Variants in USH2A observed in about 807,000 individuals in gnomAD.
USH2A encodes the protein Usher syndrome 2A (autosomal recessive, mild).
Under a neutral mutation model 538.9 loss-of-function variants are expected in USH2A, and 443 were observed. The observed-to-expected ratio is 0.82, with a 90% CI of 0.76 to 0.89. The LOEUF (loss-of-function observed/expected upper bound fraction) is 0.89. Ranked by LOEUF, USH2A falls within the 40% of genes least tolerant of loss-of-function variation. The pLI is 0.00. For missense variants in USH2A, 6,633 were observed against 6,324.8 expected (o/e 1.05, Z -1.65); for synonymous variants, 2,413 against 2,273.5 (o/e 1.06, Z -1.75).
At chr1:216,134,851 G>T (rs947442073) in intron 21 of USH2A, among the ~76,000 whole-genome samples, 5 of 152,100 alleles carry the variant, frequency 3.3e-5, no homozygotes, top group African/African-American at 1.2e-4. Flanking sequence ...GTCAAGAATC[G>T]ATGGCAAGTA....
intron 60 of USH2A, among the ~76,000 whole-genome samples, chr1:215,732,382 C>T (rs6666832): frequency 0.63 from 95,138 of 151,814 alleles, 32,626 homozygotes; most frequent in Non-Finnish European, 0.78. Flanking sequence ...AAAGGACTCA[C>T]CTTTCTGAAA....
chr1:215,997,690 AG>A (rs775936357), intron 34 of USH2A, among the ~76,000 whole-genome samples: 41 of 152,222 alleles, frequency 2.7e-4, no homozygotes, highest in Admixed American at 9.2e-4. Flanking sequence ...AACAACCAAG[AG>A]CACAATTTTT....
At chr1:216,200,144 A>AC (rs1403891228) in intron 16 of USH2A, 23 bp from the exon 17 acceptor site, 1 of 1,602,118 alleles carries the variant, frequency 6.2e-7, no homozygotes, top group African/African-American at 1.3e-5. Flanking sequence ...GAAAAAAAAA[A>AC]AACAAAGTTA....
intron 50 of USH2A, among the ~76,000 whole-genome samples, chr1:215,794,629 A>G (rs1322243376): frequency 1.3e-5 from 2 of 152,194 alleles, no homozygotes; most frequent in Admixed American, 6.5e-5. Flanking sequence ...ATAAAAAGAT[A>G]TATTTTTTCC....
At chr1:215,770,831 A>G (rs1387108362) in intron 55 of USH2A, among the ~76,000 whole-genome samples, 1 of 150,678 alleles carries the variant, frequency 6.6e-6, no homozygotes, top group African/African-American at 2.4e-5. Context: ...GACCGGTGGT[A>G]CGGTGGCTCA....
rs779388119 is a variant in USH2A at position 216,325,476 on chromosome 1, T to C, written c.972A>G (p.Ala324=). The change falls in exon 6 of 72, where the codon GCA becomes GCG. Residue 324 remains alanine, a synonymous_variant. Coordinates refer to ENST00000307340, the MANE Select transcript of USH2A (RefSeq NM_206933.4). The stretch of plus-strand genomic sequence containing the variant: ...ACACTCTATTATCAGCTGTGTCTCC[T>C]GCATCATTAGGAATGCAGTACCGCT... ...LAQRYCIPND[A]GDTADNRVSR... 7 of 1,613,942 alleles carry C rather than the reference T, an allele frequency of 4.3e-6. No homozygotes were observed. Among genetic ancestry groups the C allele is most frequent in the Admixed American group, 1.7e-5 (1 of 59,952 alleles).
intron 60 of USH2A, among the ~76,000 whole-genome samples, chr1:215,736,569 G>A (rs1660160420): frequency 6.6e-6 from 1 of 151,904 alleles, no homozygotes; most frequent in South Asian, 2.1e-4. Context: ...AGCCATAAAA[G>A]TGCTGGAAGA....
intron 3 of USH2A, among the ~76,000 whole-genome samples, chr1:216,367,968 C>T (rs1398585599): frequency 2.0e-5 from 3 of 152,074 alleles, no homozygotes; most frequent in Admixed American, 6.6e-5. Context: ...AAGAGGAGCT[C>T]GTGCATGTTT....
intron 32 of USH2A, among the ~76,000 whole-genome samples, chr1:216,040,925 T>C (rs2030248014): frequency 6.6e-6 from 1 of 151,756 alleles, no homozygotes; most frequent in Non-Finnish European, 1.5e-5. Context: ...GGGAGAAAAA[T>C]TAATTGAACC....
intron 37 of USH2A, among the ~76,000 whole-genome samples, chr1:215,958,575 G>T (rs1286183458): frequency 6.6e-6 from 1 of 152,018 alleles, no homozygotes; most frequent in Middle Eastern, 3.2e-3. Flanking sequence ...AAAAGTTTAG[G>T]CTCAGAGAAT....
intron 62 of USH2A, among the ~76,000 whole-genome samples, chr1:215,677,096 T>C (rs1450303539): frequency 6.6e-6 from 1 of 152,198 alleles, no homozygotes; most frequent in Non-Finnish European, 1.5e-5. Flanking sequence ...ACCACATCGT[T>C]CACTGAAAAT....
chr1:215,758,829 C>T (rs989200440), intron 57 of USH2A, 77 bp from the exon 58 acceptor site: 11 of 1,498,348 alleles, frequency 7.3e-6, no homozygotes, highest in African/African-American at 4.1e-5. Context: ...GTTTTTGTAT[C>T]AATTGCTTAG....
intron 58 of USH2A, among the ~76,000 whole-genome samples, chr1:215,751,464 A>T (rs960492444): frequency 6.6e-6 from 1 of 152,158 alleles, no homozygotes; most frequent in African/African-American, 2.4e-5. Flanking sequence ...GGGCTAGAAC[A>T]GTTCAAAATA....
At chr1:215,741,018 G>A (rs1056018660) in intron 60 of USH2A, among the ~76,000 whole-genome samples, 8 of 152,224 alleles carry the variant, frequency 5.3e-5, no homozygotes, top group South Asian at 2.1e-4. Context: ...AACAGGCCGC[G>A]GACTCTGTGG....
intron 40 of USH2A, among the ~76,000 whole-genome samples, chr1:215,896,304 G>GTT (rs957115742): frequency 2.1e-5 from 3 of 144,854 alleles, no homozygotes; most frequent in Admixed American, 6.9e-5. Flanking sequence ...CAAGTTTGGG[G>GTT]TTTTTTTTTT....
intron 44 of USH2A, 126 bp from the exon 45 acceptor site, chr1:215,846,159 T>TA (rs974811910): frequency 3.3e-5 from 29 of 871,580 alleles, no homozygotes; most frequent in South Asian, 2.2e-4. Flanking sequence ...TTGGAAATGT[T>TA]AAAAAAAGCT....
intron 58 of USH2A, among the ~76,000 whole-genome samples, chr1:215,747,416 A>AT (rs1163869485): frequency 6.6e-6 from 1 of 152,226 alleles, no homozygotes; most frequent in African/African-American, 2.4e-5. Context: ...TCGAGGCCTA[A>AT]TTCACCACTC....
intron 40 of USH2A, among the ~76,000 whole-genome samples, chr1:215,893,539 C>A (rs1665256291): frequency 6.6e-6 from 1 of 152,152 alleles, no homozygotes; most frequent in Admixed American, 6.5e-5. Flanking sequence ...AGAGGATATA[C>A]TTTTCCTGCT....
intron 4 of USH2A, among the ~76,000 whole-genome samples, chr1:216,357,382 A>G (rs2038409580): frequency 6.6e-6 from 1 of 152,208 alleles, no homozygotes; most frequent in African/African-American, 2.4e-5. Flanking sequence ...TCTGAAAAAA[A>G]TTAGCATGAT....
Sources: gnomAD v4.1 joint callset for allele counts (sites outside exome capture counted in the v4.1 genomes callset) on GRCh38, gnomAD v4.1.1 for gene constraint, MANE v1.5 for transcripts, NCBI Gene and HGNC (gene_info 2026-07-23, HGNC 2026-07-21) for gene names.